Variants in RFX3 observed in about 807,000 individuals in gnomAD.
RFX3 encodes the protein transcription factor RFX3.
A neutral mutation model predicts 98.6 loss-of-function variants in RFX3; 14 were observed. The ratio of observed to expected loss-of-function variants is 0.14; its 90% confidence interval spans 0.09 to 0.22. The LOEUF (loss-of-function observed/expected upper bound fraction) is 0.22, where lower values mean the gene tolerates loss of function less well. RFX3 is among the 10% of genes least tolerant of loss of function. RFX3 has a pLI of 1.00. For missense variants in RFX3, 639 were observed against 926.9 expected (o/e 0.69, Z 4.03); for synonymous variants, 383 against 328.4 (o/e 1.17, Z -1.80).
chr9:3,252,331 T>C (rs1821523912), intron 14 of RFX3, among the ~76,000 whole-genome samples: 1 of 152,138 alleles, frequency 6.6e-6, no homozygotes. Flanking sequence ...GGTGAGACAG[T>C]TGGTAAATAC....
chr9:3,336,785 G>A (rs979704963), intron 3 of RFX3, among the ~76,000 whole-genome samples: 1 of 152,038 alleles, frequency 6.6e-6, no homozygotes, highest in African/African-American at 2.4e-5. Flanking sequence ...AGTTTTAATA[G>A]GTCACAACAG....
At chr9:3,499,722 C>T (rs770762031) in intron 1 of RFX3, among the ~76,000 whole-genome samples, 8 of 151,904 alleles carry the variant, frequency 5.3e-5, no homozygotes, top group Non-Finnish European at 1.0e-4. Flanking sequence ...TATTTGGAGA[C>T]CAAGATAAAG....
chr9:3,412,095 A>G (rs774348427), intron 1 of RFX3, among the ~76,000 whole-genome samples: 7 of 152,218 alleles, frequency 4.6e-5, no homozygotes, highest in Non-Finnish European at 7.3e-5. Flanking sequence ...TCAGTGTCTC[A>G]AAACAAAGCT....
rs1402740725 is a variant in RFX3 at position 3,377,824 on chromosome 9, A to G, written c.117+17648T>C. Among the ~76,000 whole-genome samples the G allele has an allele frequency of 2.0e-5, 3 of 152,190 alleles. 1 individual carries two copies. In the East Asian group the frequency reaches 5.8e-4, roughly 29 times the overall value. On this transcript the variant is annotated intron_variant, in intron 2 of 16. Transcript: ENST00000617270. The stretch of plus-strand genomic sequence containing the variant: ...TATATATGTTTGCCAAAACTCATCA[A>G]ACAGTACACTTAAATAGGTGGATTT...
At chr9:3,316,277 T>C (rs200339710) in intron 4 of RFX3, among the ~76,000 whole-genome samples, 10 of 152,032 alleles carry the variant, frequency 6.6e-5, no homozygotes, top group African/African-American at 9.7e-5. Context: ...ACAAAAACCA[T>C]ATGATTATCT....
At chr9:3,320,934 C>G (rs1384301052) in intron 4 of RFX3, among the ~76,000 whole-genome samples, 6 of 151,720 alleles carry the variant, frequency 4.0e-5, no homozygotes, top group African/African-American at 1.5e-4. Flanking sequence ...GAGACAGAGT[C>G]TCTGTTGCCT....
At chr9:3,278,116 G>A (rs1028888646) in intron 7 of RFX3, among the ~76,000 whole-genome samples, 1 of 151,650 alleles carries the variant, frequency 6.6e-6, no homozygotes, top group Non-Finnish European at 1.5e-5. Flanking sequence ...GTATCTTCAG[G>A]TCCTAGTCAT....
intron 2 of RFX3, chr9:3,394,871 C>T: frequency 1.0e-6 from 1 of 984,234 alleles, no homozygotes; most frequent in Non-Finnish European, 1.2e-6. Context: ...CCAAACAAGC[C>T]AACTGCCCTG....
intron 2 of RFX3, among the ~76,000 whole-genome samples, chr9:3,351,101 T>C (rs776035791): frequency 3.3e-5 from 5 of 152,062 alleles, no homozygotes; most frequent in African/African-American, 4.8e-5. Context: ...CTTTGGGTGA[T>C]AATGATGTGT....
intron 5 of RFX3, among the ~76,000 whole-genome samples, chr9:3,299,593 G>A (rs184997297): frequency 1.3e-5 from 2 of 151,848 alleles, no homozygotes; most frequent in East Asian, 3.9e-4. Context: ...ACATACTGAA[G>A]TGTCTCTGGG....
At chr9:3,275,414 C>G in intron 9 of RFX3, 86 bp downstream of exon 9, 1 of 737,056 alleles carries the variant, frequency 1.4e-6, no homozygotes, top group Non-Finnish European at 2.4e-6. Context: ...TTCACCTGTC[C>G]TTTAGGAATA....
intron 1 of RFX3, among the ~76,000 whole-genome samples, chr9:3,508,710 G>C (rs149173257): frequency 6.6e-6 from 1 of 151,790 alleles, no homozygotes; most frequent in Non-Finnish European, 1.5e-5. Flanking sequence ...AATGACAAGC[G>C]GTTTTCCCCC....
intron 4 of RFX3, among the ~76,000 whole-genome samples, chr9:3,311,241 G>A (rs1408083616): frequency 6.6e-6 from 1 of 152,146 alleles, no homozygotes; most frequent in African/African-American, 2.4e-5. Flanking sequence ...CTGATCTTCA[G>A]GACTTTAAAT....
intron 15 of RFX3, among the ~76,000 whole-genome samples, chr9:3,234,534 G>A (rs1366710728): frequency 2.0e-5 from 3 of 152,106 alleles, no homozygotes; most frequent in South Asian, 2.1e-4. Context: ...CCAGCTAGTC[G>A]GGAGGCTAAG....
chr9:3,510,748 ATCT>A (rs1468290312), intron 1 of RFX3, among the ~76,000 whole-genome samples: 1 of 151,994 alleles, frequency 6.6e-6, no homozygotes, highest in African/African-American at 2.4e-5. Context: ...ACATTCTATA[ATCT>A]TCTGTTTTGC....
chr9:3,363,738 C>T lies in RFX3; in HGVS notation c.118-16974G>A, dbSNP rs180745841. 2.1e-3 allele frequency among the ~76,000 whole-genome samples: 315 copies of T among 152,334 alleles called. 1 individual carries two copies. Among genetic ancestry groups the T allele is most frequent in the Non-Finnish European group, 3.7e-3 (249 of 68,032 alleles). On this transcript the variant is annotated intron_variant, in intron 2 of 16. Coordinates refer to ENST00000617270, the MANE Select transcript of RFX3 (RefSeq NM_001282116.2). ...TGACAACTCAAAGACATGGTGTCAG[C>T]TGGCAGTGATTCCAGATCTTCTGAC...
At chr9:3,515,142 G>C (rs527805706) in intron 1 of RFX3, among the ~76,000 whole-genome samples, 186 of 152,248 alleles carry the variant, frequency 1.2e-3, no homozygotes, top group Non-Finnish European at 2.1e-3. Context: ...AAAACATAAA[G>C]AGGTAGATTT....
At chr9:3,414,975 C>CACTTATATATACTCATATATAT (rs1383153303) in intron 1 of RFX3, among the ~76,000 whole-genome samples, 355 of 132,650 alleles carry the variant, frequency 2.7e-3, no homozygotes, top group East Asian at 9.0e-3. Context: ...TTCATATATA[C>CACTTATATATACTCATATATAT]ACTTATATAT....
At chr9:3,228,926 A>G (rs892378872) in intron 15 of RFX3, 37 bp from the exon 16 acceptor site, 2 of 1,569,556 alleles carry the variant, frequency 1.3e-6, no homozygotes, top group African/African-American at 1.4e-5. Context: ...TAGTTAATAT[A>G]GGGCAGAATA....
Sources: gnomAD v4.1 joint callset for allele counts (sites outside exome capture counted in the v4.1 genomes callset) on GRCh38, gnomAD v4.1.1 for gene constraint, MANE v1.5 for transcripts, NCBI Gene and HGNC (gene_info 2026-07-23, HGNC 2026-07-21) for gene names.